The following RNGTT variants were observed in gnomAD, a reference collection of about 807,000 sequenced individuals.
RNGTT encodes RNA guanylyltransferase and 5'-phosphatase, also known as mRNA-capping enzyme.
RNGTT carries 33 observed loss-of-function variants against 79.3 expected under a neutral mutation model. That is an observed-to-expected ratio of 0.42 (90% CI 0.32 to 0.56). The LOEUF (loss-of-function observed/expected upper bound fraction) is 0.56, where lower values mean the gene tolerates loss of function less well. RNGTT is among the 20% of genes least tolerant of loss of function. The pLI is 0.17. For missense variants in RNGTT, 497 were observed against 739.1 expected, an observed-to-expected ratio of 0.67 and a Z score of 3.80; for synonymous variants, 222 against 235.9, an observed-to-expected ratio of 0.94 and a Z score of 0.54.
At chr6:88,647,715 A>AAAAAAAAAAAAAAG (rs531898293) in intron 14 of RNGTT, among the ~76,000 whole-genome samples, 1 of 142,446 alleles carries the variant, frequency 7.0e-6, no homozygotes, top group African/African-American at 3.0e-5. Flanking sequence ...AAAAAAAAAA[A>AAAAAAAAAAAAAAG]AAGAAGAAGA....
intron 13 of RNGTT, among the ~76,000 whole-genome samples, chr6:88,717,184 A>T (rs9451062): frequency 0.086 from 13,164 of 152,266 alleles, 1,936 homozygotes; most frequent in African/African-American, 0.3. Flanking sequence ...AAGATAAATG[A>T]TCATCCAAAA....
chr6:88,822,848 T>G (rs1263269439), intron 11 of RNGTT, among the ~76,000 whole-genome samples: 1 of 152,192 alleles, frequency 6.6e-6, no homozygotes, highest in East Asian at 1.9e-4. Context: ...GGAAAAGAAG[T>G]CTTTTCAACA....
chr6:88,648,069 A>G (rs1773647573), intron 14 of RNGTT, among the ~76,000 whole-genome samples: 2 of 152,266 alleles, frequency 1.3e-5, no homozygotes, highest in Middle Eastern at 3.4e-3. Flanking sequence ...GAAACAACAA[A>G]CAGAAACACT....
chr6:88,755,570 T>A (rs1023672791), intron 13 of RNGTT, among the ~76,000 whole-genome samples: 1 of 151,286 alleles, frequency 6.6e-6, no homozygotes, highest in Admixed American at 6.6e-5. Context: ...GGGGAATGGG[T>A]GGTGAGAATA....
chr6:88,852,960 A>G (rs890863445), intron 9 of RNGTT, among the ~76,000 whole-genome samples: 3 of 152,214 alleles, frequency 2.0e-5, no homozygotes, highest in Non-Finnish European at 4.4e-5. Flanking sequence ...AAGTGTGGGG[A>G]AAAAGACAAG....
chr6:88,809,477 GA>G (rs1413266260), intron 11 of RNGTT, among the ~76,000 whole-genome samples: 3 of 151,814 alleles, frequency 2.0e-5, no homozygotes, highest in Non-Finnish European at 4.4e-5. Flanking sequence ...CCCAAACCAG[GA>G]AAAAATGCTT....
intron 4 of RNGTT, among the ~76,000 whole-genome samples, chr6:88,922,764 T>C (rs2024716): frequency 0.92 from 140,051 of 152,160 alleles, 64,691 homozygotes; most frequent in East Asian, 1. Flanking sequence ...CTCCTGACCT[T>C]GTGATCCACC....
chr6:88,918,777 CCAA>C (rs1394826804), intron 4 of RNGTT, among the ~76,000 whole-genome samples: 1 of 152,096 alleles, frequency 6.6e-6, no homozygotes, highest in East Asian at 1.9e-4. Flanking sequence ...GTATCTTAAC[CCAA>C]CATGTAAATT....
chr6:88,673,120 AC>A (rs756997287), intron 14 of RNGTT, among the ~76,000 whole-genome samples: 1 of 152,158 alleles, frequency 6.6e-6, no homozygotes, highest in Non-Finnish European at 1.5e-5. Context: ...ACTGCCTCCA[AC>A]ACCAAGCCAC....
chr6:88,753,297 G>C (rs937306537), intron 13 of RNGTT, among the ~76,000 whole-genome samples: 1 of 152,092 alleles, frequency 6.6e-6, no homozygotes, highest in Non-Finnish European at 1.5e-5. Flanking sequence ...TTGAGCCTAG[G>C]AGTTGAGAAC....
At chr6:88,716,138 C>T (rs9342150) in intron 13 of RNGTT, among the ~76,000 whole-genome samples, 17,891 of 151,786 alleles carry the variant, frequency 0.12, 1,144 homozygotes, top group Middle Eastern at 0.23. Context: ...CAAACAACCC[C>T]ATCAAAAAGT....
At chr6:88,889,670 C>A (rs558816343) in intron 8 of RNGTT, among the ~76,000 whole-genome samples, 5 of 151,838 alleles carry the variant, frequency 3.3e-5, no homozygotes, top group African/African-American at 1.2e-4. Flanking sequence ...ATACATATAG[C>A]AAAACTGTAA....
intron 14 of RNGTT, among the ~76,000 whole-genome samples, chr6:88,647,715 A>AAAAAAAAAAAAAAAAAAGAAG (rs531898293): frequency 1.4e-5 from 2 of 142,444 alleles, no homozygotes; most frequent in African/African-American, 6.0e-5. Flanking sequence ...AAAAAAAAAA[A>AAAAAAAAAAAAAAAAAAGAAG]AAGAAGAAGA....
chr6:88,716,409 T>C lies in RNGTT; in HGVS notation c.1440-37990A>G, dbSNP rs1041483441. ...TCAACCATTGTGGAAGTCAGTGTGG[T>C]GATTCCTCAGGGATCTAGAACTAGA... On this transcript the variant is annotated intron_variant, in intron 13 of 15. Coordinates refer to ENST00000369485, the MANE Select transcript of RNGTT (RefSeq NM_003800.5). Among the ~76,000 whole-genome samples, 315 of 152,254 alleles carry C rather than the reference T, an allele frequency of 2.1e-3. 1 individual carries two copies. The highest frequency in any genetic ancestry group is 7.4e-3 in the African/African-American group (307 of 41,550).
intron 14 of RNGTT, among the ~76,000 whole-genome samples, chr6:88,674,041 C>G (rs1774760837): frequency 6.6e-6 from 1 of 152,076 alleles, no homozygotes; most frequent in South Asian, 2.1e-4. Context: ...CTTGCCAATT[C>G]CCCTCATGTT....
intron 11 of RNGTT, among the ~76,000 whole-genome samples, chr6:88,825,835 A>G (rs1562271888): frequency 1.3e-5 from 2 of 152,160 alleles, no homozygotes; most frequent in Non-Finnish European, 2.9e-5. Flanking sequence ...ATGTTCATAT[A>G]AATTGTTTGC....
intron 14 of RNGTT, among the ~76,000 whole-genome samples, chr6:88,647,557 T>C (rs1773613996): frequency 6.6e-6 from 1 of 151,450 alleles, no homozygotes; most frequent in Non-Finnish European, 1.5e-5. Flanking sequence ...CCTGTCTCTA[T>C]AAAAATTAGC....
chr6:88,913,464 A>T (rs1305505730), intron 4 of RNGTT, among the ~76,000 whole-genome samples: 1 of 152,184 alleles, frequency 6.6e-6, no homozygotes, highest in African/African-American at 2.4e-5. Context: ...TCCTCAAAAA[A>T]ATACTAGCAA....
chr6:88,865,950 C>T (rs900012558), intron 8 of RNGTT, among the ~76,000 whole-genome samples: 3 of 152,024 alleles, frequency 2.0e-5, no homozygotes, highest in African/African-American at 7.2e-5. Flanking sequence ...ATAATTAAAT[C>T]TACTTGGGTT....
Sources: allele counts gnomAD v4.1 joint callset (sites outside exome capture counted in the v4.1 genomes callset), GRCh38; gene constraint gnomAD v4.1.1; transcripts MANE v1.5; gene names NCBI Gene and HGNC (gene_info 2026-07-23, HGNC 2026-07-21).